ZNF81: variants seen among roughly 807,000 people sequenced by gnomAD.
ZNF81 encodes zinc finger protein 81.
In ZNF81, 5 loss-of-function variants were observed where a neutral mutation model predicts 32.3. The ratio of observed to expected loss-of-function variants is 0.15; its 90% CI spans 0.08 to 0.33. The LOEUF (loss-of-function observed/expected upper bound fraction) is 0.33. ZNF81 is among the 10% of genes least tolerant of loss of function. The probability of loss-of-function intolerance (pLI) is 1.00; values close to 1 mark genes in which losing one functional copy is unlikely to be tolerated. For synonymous variants in ZNF81, 163 were observed against 166.8 expected (o/e 0.98, Z 0.17); for missense variants, 379 against 479.8 (o/e 0.79, Z 1.96).
chrX:47,908,205 GA>G (rs1315023258), intron 4 of ZNF81, among the ~76,000 whole-genome samples: 4 of 109,981 alleles, frequency 3.6e-5, no homozygotes, highest in African/African-American at 9.9e-5. Flanking sequence ...AATCAATAGA[GA>G]AAAAAATAGA....
chrX:47,912,654 CAT>C (rs1449490035), intron 4 of ZNF81, among the ~76,000 whole-genome samples: 1 of 109,460 alleles, frequency 9.1e-6, no homozygotes, highest in African/African-American at 3.3e-5. Context: ...TTCCAACACA[CAT>C]TACTCCACCA....
At chrX:47,887,086 TC>T (rs1639430922) in intron 2 of ZNF81, among the ~76,000 whole-genome samples, 1 of 111,670 alleles carries the variant, frequency 9.0e-6, no homozygotes, top group East Asian at 2.8e-4. Flanking sequence ...GACTTCACTT[TC>T]GCCCATTGAA....
At chrX:47,909,720 T>C (rs1392171110) in intron 4 of ZNF81, among the ~76,000 whole-genome samples, 1 of 107,440 alleles carries the variant, frequency 9.3e-6, no homozygotes, top group Non-Finnish European at 1.9e-5. Context: ...AACTTGTCAT[T>C]TAGCATTAGG....
At chrX:47,842,214 G>A (rs903632003) in intron 1 of ZNF81, among the ~76,000 whole-genome samples, 40 of 111,803 alleles carry the variant, frequency 3.6e-4, no homozygotes, top group Non-Finnish European at 3.8e-5. Context: ...ATGACCCCCG[G>A]TGTGGTCTAT....
At chrX:47,877,368 A>G (rs1556884665) in intron 2 of ZNF81, among the ~76,000 whole-genome samples, 1 of 111,373 alleles carries the variant, frequency 9.0e-6, no homozygotes, top group African/African-American at 3.3e-5. Flanking sequence ...TCCCCTCTCT[A>G]ATAATTTATT....
intron 2 of ZNF81, among the ~76,000 whole-genome samples, chrX:47,867,595 A>G (rs1025298532): frequency 3.0e-4 from 34 of 112,286 alleles, no homozygotes; most frequent in Non-Finnish European, 1.1e-4. Flanking sequence ...GAAAATTACC[A>G]TAGGATGAAT....
chrX:47,913,008 GAT>G (rs367749562), intron 4 of ZNF81, among the ~76,000 whole-genome samples: 9,204 of 108,633 alleles, frequency 0.085, 981 homozygotes, highest in African/African-American at 0.29. Flanking sequence ...TTTTTTGTTA[GAT>G]ATATATATAT....
chrX:47,847,727 A>G (rs998146075), intron 2 of ZNF81, among the ~76,000 whole-genome samples: 50 of 111,599 alleles, frequency 4.5e-4, no homozygotes, highest in African/African-American at 1.6e-3. Context: ...TTGCAAATGG[A>G]TGCATGACAG....
At chrX:47,863,207 A>G (rs2058548190) in intron 2 of ZNF81, among the ~76,000 whole-genome samples, 2 of 111,510 alleles carry the variant, frequency 1.8e-5, no homozygotes, top group South Asian at 3.8e-4. Context: ...GGAATTCAAC[A>G]TTGTCAGACC....
At chrX:47,855,106 T>A (rs2058511023) in intron 2 of ZNF81, among the ~76,000 whole-genome samples, 2 of 108,165 alleles carry the variant, frequency 1.8e-5, no homozygotes, top group South Asian at 3.9e-4. Context: ...ACTAAAAAAA[T>A]ATGTACCCTA....
chrX:47,847,989 A>C (rs972126245), intron 2 of ZNF81, among the ~76,000 whole-genome samples: 1 of 108,266 alleles, frequency 9.2e-6, no homozygotes, highest in South Asian at 4.1e-4. Flanking sequence ...ATCTCGGCTC[A>C]CTGCAAGCTC....
At chrX:47,895,754 A>T in intron 3 of ZNF81, 91 bp from the exon 4 acceptor site, 1 of 644,906 alleles carries the variant, frequency 1.6e-6, no homozygotes, top group Non-Finnish European at 2.5e-6. Context: ...TGTGATTATT[A>T]CTCAGTTCCC....
At chrX:47,909,108 T>A (rs2058730284) in intron 4 of ZNF81, among the ~76,000 whole-genome samples, 1 of 112,227 alleles carries the variant, frequency 8.9e-6, no homozygotes, top group Admixed American at 9.5e-5. Context: ...ATATAAATTA[T>A]ACCTCAATAA....
rs2058648611 is a variant in ZNF81, at chrX:47,887,985, T to C, written c.55-14T>C. 2 of 1,211,512 alleles carry C rather than the reference T, an allele frequency of 1.7e-6. No individual in the cohort carries two copies. Among genetic ancestry groups the C allele is most frequent in the East Asian group, 3.0e-5 (1 of 33,848 alleles). On this transcript the variant is annotated splice_polypyrimidine_tract_variant and intron_variant, in intron 2 of 4. Transcript: ENST00000338637. ...GCTGATCATGTTGCCTTGAACAAGA[T>C]TGTGTTGTTACAGGTATCAGTGTCA... is the stretch of plus-strand genomic sequence containing the variant.
chrX:47,895,674 C>G (rs1231233749), intron 3 of ZNF81, among the ~76,000 whole-genome samples, 171 bp from the exon 4 acceptor site: 1 of 112,199 alleles, frequency 8.9e-6, no homozygotes, highest in African/African-American at 3.2e-5. Context: ...ACTGAGCTAT[C>G]TGGGACATTA....
At chrX:47,848,563 T>C (rs1369051974) in intron 2 of ZNF81, among the ~76,000 whole-genome samples, 1 of 111,675 alleles carries the variant, frequency 9.0e-6, no homozygotes, top group East Asian at 2.8e-4. Flanking sequence ...AGTAGTTTTT[T>C]TGACAACTTA....
chrX:47,856,030 CAT>C (rs1437228960), intron 2 of ZNF81, among the ~76,000 whole-genome samples: 1 of 69,260 alleles, frequency 1.4e-5, no homozygotes, highest in Admixed American at 2.5e-4. Flanking sequence ...GCCTGGGTGA[CAT>C]AGTGAGACTC....
chrX:47,866,782 A>G (rs1556883324), intron 2 of ZNF81, among the ~76,000 whole-genome samples: 2 of 111,335 alleles, frequency 1.8e-5, no homozygotes, highest in Non-Finnish European at 1.9e-5. Context: ...CTTAAGAAAA[A>G]CATTCTTGGT....
chrX:47,916,523 A>G lies in ZNF81; in HGVS notation c.1877A>G (p.Asn626Ser), dbSNP rs1247941086. 8.3e-7 allele frequency: 1 copy of G among 1,209,916 alleles called. No individual in the cohort carries two copies. The highest frequency in any genetic ancestry group is 1.1e-6 in the Non-Finnish European group (1 of 894,441). ...GKAFTDRSNF[N>S]KHQTIHTGDK... ...GCCTTCACTGATAGGTCAAATTTCA[A>G]TAAACATCAGACAATTCATACTGGA... Residue 626 changes from asparagine to serine, a missense_variant, in exon 5 of 5, where the codon AAT (asparagine) becomes AGT (serine). This residue lies in a region of ZNF81 where 102 missense variants were observed against 173.2 expected (regional missense o/e 0.59). Transcript: ENST00000338637.
Sources: allele counts gnomAD v4.1 joint callset (sites outside exome capture counted in the v4.1 genomes callset), GRCh38; gene constraint gnomAD v4.1.1; regional missense constraint gnomAD v4.1.1; transcripts MANE v1.5; gene names NCBI Gene and HGNC (gene_info 2026-07-23, HGNC 2026-07-21).